IL3RA: variants seen among roughly 807,000 people sequenced by gnomAD.
IL3RA encodes interleukin-3 receptor subunit alpha.
A neutral mutation model predicts 52.3 loss-of-function variants in IL3RA; 73 were observed. The observed-to-expected ratio is 1.40, with a 90% confidence interval of 1.16 to 1.70. The LOEUF (loss-of-function observed/expected upper bound fraction) is 1.70. Among genes scored for constraint, IL3RA ranks in the 40% most tolerant of loss-of-function variants. The pLI is 0.00. For missense variants in IL3RA, 664 were observed against 504.4 expected, an observed-to-expected ratio of 1.32 and a Z score of -3.03; for synonymous variants, 260 against 194.0, an observed-to-expected ratio of 1.34 and a Z score of -2.83.
intron 4 of IL3RA, 110 bp downstream of exon 4, chrX:1,348,655 TTTCTTTCTTTCTTTCTTTCTTTCTTTC>T (rs1279018326): frequency 4.8e-6 from 2 of 415,630 alleles, no homozygotes; most frequent in African/African-American, 1.1e-4. Context: ...TCTTTCTTTC[TTTCTTTCTTTCTTTCTTTCTTTCTTTC>T]TTTCTTTCTT....
rs368437709 is a variant in IL3RA at position 1,341,834 on chromosome X, G to A, written c.64+5G>A. The A allele has an allele frequency of 1.2e-6, 2 of 1,613,918 alleles. No individual in the cohort carries two copies. The highest frequency in any genetic ancestry group is 2.7e-5 in the African/African-American group (2 of 75,016). On this transcript the variant is annotated splice_donor_5th_base_variant and intron_variant, in intron 2 of 11. Coordinates refer to ENST00000331035, the MANE Select transcript of IL3RA (RefSeq NM_002183.4). ...GTCTCCTGCAAACGAAGGAAGGTAA[G>A]AACTGGAGAAAAAATGCACGTGCCA...
At chrX:1,340,101 C>CTTTT (rs1331435314) in intron 1 of IL3RA, among the ~76,000 whole-genome samples, 6 of 141,674 alleles carry the variant, frequency 4.2e-5, no homozygotes, top group Non-Finnish European at 6.3e-5. Flanking sequence ...GGCAGCAACT[C>CTTTT]TTTCTTTTCT....
intron 9 of IL3RA, among the ~76,000 whole-genome samples, chrX:1,367,619 CGGGGTG>C: frequency 9.7e-6 from 1 of 102,848 alleles, no homozygotes; most frequent in Non-Finnish European, 1.9e-5. Context: ...GCGGGGTGCG[CGGGGTG>C]AGCGGGGTGC....
Position 1,361,205 on chromosome X carries a change from G to T in IL3RA, c.759+2318G>T, listed in dbSNP as rs867804148. 2.7e-5 allele frequency among the ~76,000 whole-genome samples: 3 copies of T among 113,138 alleles called. 1 individual carries two copies. Among genetic ancestry groups the T allele is most frequent in the Non-Finnish European group, 5.4e-5 (3 of 55,412 alleles). The allele number at this position is 113,138 out of a possible 152,430, so 74.2% of individuals were successfully genotyped here. A position where few individuals can be genotyped will look rare whatever the true frequency, so the allele number is the denominator to read the frequency against. On this transcript the variant is annotated intron_variant, in intron 8 of 11. Coordinates refer to ENST00000331035, the MANE Select transcript of IL3RA (RefSeq NM_002183.4). ...CCCCTCTCTCTCTCTCCATTCCCCT[G>T]TCTCTATGTCTCTCCCTTTCTCTCT...
Position 1,341,786 on chromosome X carries a change from G to A in IL3RA, c.21G>A (p.Thr7=), listed in dbSNP as rs138038721. 12 of 1,613,798 alleles carry A rather than the reference G, an allele frequency of 7.4e-6. No homozygotes were observed. Among genetic ancestry groups the A allele is most frequent in the African/African-American group, 1.3e-5 (1 of 74,886 alleles). Residue 7 remains threonine, a synonymous_variant, in exon 2 of 12, where the codon ACG becomes ACA. Transcript: ENST00000331035. The part of the protein sequence containing the change: MVLLWL[T]LLLIALPCLL... Reference sequence around the variant, plus strand: ...TCCCGATGGTCCTCCTTTGGCTCACGCTGCTCCTGATCGCCCTGCCCTGTC... The same window carrying A: ...TCCCGATGGTCCTCCTTTGGCTCACACTGCTCCTGATCGCCCTGCCCTGTC...
intron 3 of IL3RA, 119 bp from the exon 4 acceptor site, chrX:1,348,312 C>G (rs1247228256): frequency 1.4e-5 from 11 of 782,024 alleles, no homozygotes; most frequent in Admixed American, 1.2e-4. Context: ...GAGATCACGC[C>G]ACTGCACTCC....
intron 3 of IL3RA, among the ~76,000 whole-genome samples, chrX:1,345,761 A>G (rs1393692168): frequency 2.0e-5 from 3 of 151,564 alleles, no homozygotes; most frequent in African/African-American, 7.3e-5. Flanking sequence ...AAGTGCTGGG[A>G]TTACAGGCGC....
rs777092717 is a variant in IL3RA at position 1,382,417 on chromosome X, C to T, written c.1089C>T (p.Gly363=). 1.7e-5 allele frequency: 28 copies of T among 1,613,690 alleles called. No individual in the cohort carries two copies. The East Asian group carries it at 6.0e-4, about 35-fold the overall frequency. ...KLVVWEAGKA[G]LEECLVTEVQ... ...TGGTCTGGGAGGCGGGCAAAGCCGG[C>T]CTGGAGGAGTGTCTGGTGACTGAAG... The change falls in exon 12 of 12, where the codon GGC becomes GGT. Residue 363 remains glycine, a synonymous_variant. Transcript: ENST00000331035.
At chrX:1,342,208 C>T (rs1247948158) in intron 2 of IL3RA, among the ~76,000 whole-genome samples, 1 of 152,030 alleles carries the variant, frequency 6.6e-6, no homozygotes, top group African/African-American at 2.4e-5. Flanking sequence ...CTGTCTTGCC[C>T]AGGCTGGAGT....
rs1269642067 is a variant in IL3RA at position 1,344,934 on chromosome X, G to A, written c.65-382G>A. On this transcript the variant is annotated intron_variant, in intron 2 of 11. Coordinates refer to ENST00000331035, the MANE Select transcript of IL3RA (RefSeq NM_002183.4). ...TCCCAGCACTTTGGGAGGCTGAGGC[G>A]GACGAATCATGAGGTCAGGAGATCG... Among the ~76,000 whole-genome samples, 516 of 150,046 alleles carry A rather than the reference G, an allele frequency of 3.4e-3. 7 individuals carry two copies. The highest frequency in any genetic ancestry group is 0.012 in the African/African-American group (489 of 40,842).
intron 9 of IL3RA, among the ~76,000 whole-genome samples, chrX:1,367,737 G>A (rs1457012453): frequency 1.6e-5 from 2 of 123,070 alleles, no homozygotes; most frequent in African/African-American, 3.1e-5. Context: ...CCGGGTGAGC[G>A]GGGTGCGCGG....
At chrX:1,367,982 G>C (rs1185939012) in intron 9 of IL3RA, among the ~76,000 whole-genome samples, 1 of 152,022 alleles carries the variant, frequency 6.6e-6, no homozygotes, top group Admixed American at 6.6e-5. Context: ...GGGAAACAAG[G>C]TCGTCCCACT....
rs759425270 is a variant in IL3RA at position 1,354,025 on chromosome X, C to T, written c.616+1519C>T. On this transcript the variant is annotated intron_variant, in intron 6 of 11. Coordinates refer to ENST00000331035, the MANE Select transcript of IL3RA (RefSeq NM_002183.4). Reference sequence around the variant, plus strand: ...CCCCATTGTGAGTCATGGAATCCCTCATCATGGGTCTCATCATGGGCCATG... The same window carrying T: ...CCCCATTGTGAGTCATGGAATCCCTTATCATGGGTCTCATCATGGGCCATG... Among the ~76,000 whole-genome samples, 7 of 143,306 alleles carry T rather than the reference C, an allele frequency of 4.9e-5. No individual in the cohort carries two copies. In the South Asian group the frequency reaches 1.4e-3, roughly 28 times the overall value. 94.0% of individuals were successfully genotyped at this position (143,306 alleles called of 152,430 possible).
Position 1,347,909 on chromosome X carries a change from C to T in IL3RA, c.184-522C>T, listed in dbSNP as rs192419537. 6.7e-4 allele frequency among the ~76,000 whole-genome samples: 100 copies of T among 150,362 alleles called. 5 individuals carry two copies. The East Asian group carries it at 0.017, about 25-fold the overall frequency. ...AAAATTAGCCGGGCGTGGTGGCGGG[C>T]GCCTGTAGTCCCAGCTACTTGGGAG... On this transcript the variant is annotated intron_variant, in intron 3 of 11. Transcript: ENST00000331035.
chrX:1,345,194 A>G (rs2085686085), intron 2 of IL3RA, 122 bp from the exon 3 acceptor site: 2 of 606,940 alleles, frequency 3.3e-6, no homozygotes, highest in South Asian at 5.4e-5. Flanking sequence ...ATTAAATAAA[A>G]GAACTCCACC....
intron 2 of IL3RA, among the ~76,000 whole-genome samples, chrX:1,344,583 G>A (rs757071250): frequency 6.6e-6 from 1 of 151,572 alleles, no homozygotes. Context: ...GACCATCCTG[G>A]CCAACATGGT....
At position 1,378,705 on chromosome X, in the gene IL3RA, G is replaced by T; in HGVS notation, c.921G>T (p.Ser307=). 6.2e-7 allele frequency: 1 copy of T among 1,612,664 alleles called. No homozygotes were observed. The highest frequency in any genetic ancestry group is 8.5e-7 in the Non-Finnish European group (1 of 1,179,832). Residue 307 remains serine (S), a synonymous_variant, in exon 10 of 12, where the codon TCG becomes TCT. Transcript: ENST00000331035. Reference sequence around the variant, plus strand: ...CAAACACACGTGCCTGGCGGACGTCGCTGCTGATCGCGCTGGGGACGCTGC... The same window carrying T: ...CAAACACACGTGCCTGGCGGACGTCTCTGCTGATCGCGCTGGGGACGCTGC... ...EGANTRAWRT[S]LLIALGTLLA... is the part of the protein sequence containing the mutation.
chrX:1,353,121 A>AC (rs1191958857), intron 6 of IL3RA, among the ~76,000 whole-genome samples: 7 of 120,366 alleles, frequency 5.8e-5, no homozygotes, highest in Admixed American at 1.6e-4. Flanking sequence ...GTCATGGGAC[A>AC]CCCCCCATCA....
intron 11 of IL3RA, among the ~76,000 whole-genome samples, chrX:1,381,996 G>A (rs1447237293): frequency 1.3e-5 from 2 of 151,454 alleles, no homozygotes; most frequent in Non-Finnish European, 2.9e-5. Context: ...CCCGGCTGGA[G>A]TGCAATGGTG....
Sources: gnomAD v4.1 joint callset for allele counts (sites outside exome capture counted in the v4.1 genomes callset) on GRCh38, gnomAD v4.1.1 for gene constraint, MANE v1.5 for transcripts, NCBI Gene and HGNC (gene_info 2026-07-23, HGNC 2026-07-21) for gene names.